GLG1: variants seen among roughly 807,000 people sequenced by gnomAD.
GLG1 encodes golgi glycoprotein 1.
In GLG1, 38 loss-of-function variants were observed where a neutral mutation model predicts 160.5. That is an observed-to-expected ratio of 0.24 (90% CI 0.18 to 0.31). The LOEUF is 0.31. Ranked by LOEUF, GLG1 falls within the 10% of genes least tolerant of loss-of-function variation. GLG1 has a pLI of 1.00. For missense variants in GLG1, 1,373 were observed against 1,505.2 expected (o/e 0.91, Z 1.45); for synonymous variants, 644 against 543.4 (o/e 1.19, Z -2.57).
intron 1 of GLG1, chr16:74,563,140 C>A (rs879739061): frequency 2.0e-5 from 3 of 152,148 alleles, no homozygotes; most frequent in Admixed American, 1.3e-4. Context: ...CCTCTATGAA[C>A]AACAGAAAAG....
intron 1 of GLG1, among the ~76,000 whole-genome samples, chr16:74,545,851 C>A (rs1008307513): frequency 4.6e-5 from 7 of 152,172 alleles, no homozygotes; most frequent in Non-Finnish European, 2.9e-5. Context: ...ATTCTCTCAT[C>A]ACATCAAACT....
At chr16:74,573,258 G>C (rs1435123302) in intron 1 of GLG1, among the ~76,000 whole-genome samples, 1 of 152,154 alleles carries the variant, frequency 6.6e-6, no homozygotes, top group African/African-American at 2.4e-5. Flanking sequence ...AAGTTCTGAA[G>C]AATGTATTGT....
chr16:74,492,562 T>C (rs2016037854), intron 7 of GLG1, among the ~76,000 whole-genome samples: 2 of 150,922 alleles, frequency 1.3e-5, no homozygotes, highest in Non-Finnish European at 2.9e-5. Flanking sequence ...CTCACACCTA[T>C]AATCCAAGCA....
intron 1 of GLG1, among the ~76,000 whole-genome samples, chr16:74,606,103 G>T (rs1410459183): frequency 6.6e-6 from 1 of 152,144 alleles, no homozygotes; most frequent in African/African-American, 2.4e-5. Context: ...CAAGTCACTG[G>T]GAGTTAACAG....
intron 1 of GLG1, among the ~76,000 whole-genome samples, chr16:74,577,656 C>G (rs550221816): frequency 1.3e-5 from 2 of 152,054 alleles, no homozygotes; most frequent in Admixed American, 6.6e-5. Context: ...TTCTGTCACC[C>G]AGGATGGAGG....
At chr16:74,467,978 G>A (rs1001033360) in intron 17 of GLG1, 130 bp from the exon 18 acceptor site, 3 of 598,348 alleles carry the variant, frequency 5.0e-6, no homozygotes, top group East Asian at 2.8e-5. Context: ...TCGCCTTGCA[G>A]CAAGAGAATC....
chr16:74,550,954 C>G (rs2018182499), intron 1 of GLG1, among the ~76,000 whole-genome samples: 1 of 152,162 alleles, frequency 6.6e-6, no homozygotes, highest in South Asian at 2.1e-4. Flanking sequence ...TCCAGCCTAT[C>G]AAATAAGCTG....
intron 3 of GLG1, among the ~76,000 whole-genome samples, chr16:74,508,137 C>G (rs2016679949): frequency 6.6e-6 from 1 of 152,016 alleles, no homozygotes; most frequent in Non-Finnish European, 1.5e-5. Flanking sequence ...TCCTTAAGAG[C>G]TCTGAAGAAT....
At chr16:74,605,384 G>C (rs980638907) in intron 1 of GLG1, among the ~76,000 whole-genome samples, 1 of 152,108 alleles carries the variant, frequency 6.6e-6, no homozygotes, top group Non-Finnish European at 1.5e-5. Flanking sequence ...TAATTGTTTG[G>C]TCACCAGTAT....
intron 19 of GLG1, among the ~76,000 whole-genome samples, chr16:74,464,801 T>C (rs2014939024): frequency 6.6e-6 from 1 of 152,186 alleles, no homozygotes; most frequent in Non-Finnish European, 1.5e-5. Context: ...AAAGGAAAGC[T>C]GAAATAAAGG....
intron 1 of GLG1, among the ~76,000 whole-genome samples, chr16:74,606,100 C>G (rs1356327999): frequency 2.6e-5 from 4 of 152,162 alleles, no homozygotes; most frequent in African/African-American, 9.7e-5. Context: ...CGCCAAGTCA[C>G]TGGGAGTTAA....
At chr16:74,524,558 T>C (rs2017277987) in intron 2 of GLG1, among the ~76,000 whole-genome samples, 1 of 152,138 alleles carries the variant, frequency 6.6e-6, no homozygotes, top group Non-Finnish European at 1.5e-5. Context: ...TTAAAGTCCT[T>C]ATCCTTTAGA....
intron 4 of GLG1, among the ~76,000 whole-genome samples, chr16:74,497,343 G>T (rs546606066): frequency 2.5e-3 from 383 of 150,314 alleles, no homozygotes; most frequent in African/African-American, 8.6e-3. Flanking sequence ...CAAAGTTCTG[G>T]TCATAGTTCA....
chr16:74,548,269 G>A (rs2018104239), intron 1 of GLG1, among the ~76,000 whole-genome samples: 1 of 152,176 alleles, frequency 6.6e-6, no homozygotes, highest in African/African-American at 2.4e-5. Context: ...TCACAAAGCA[G>A]GCAACGGCAT....
At chr16:74,585,286 G>C (rs1274003251) in intron 1 of GLG1, among the ~76,000 whole-genome samples, 2 of 152,112 alleles carry the variant, frequency 1.3e-5, no homozygotes, top group Non-Finnish European at 2.9e-5. Context: ...GCACACACCT[G>C]TAGTCCCAGC....
At chr16:74,579,859 T>C (rs185604896) in intron 1 of GLG1, among the ~76,000 whole-genome samples, 6 of 151,142 alleles carry the variant, frequency 4.0e-5, no homozygotes, top group Admixed American at 6.6e-5. Flanking sequence ...GGTCAAGAGA[T>C]AGAGACCATC....
chr16:74,484,727 C>CT (rs141130824), intron 9 of GLG1, among the ~76,000 whole-genome samples: 4,458 of 152,216 alleles, frequency 0.029, 143 homozygotes, highest in African/African-American at 0.081. Flanking sequence ...GATTGCGCCA[C>CT]TGTACTCCAG....
chr16:74,503,861 G>A, intron 3 of GLG1, 115 bp from the exon 4 acceptor site: 5 of 690,344 alleles, frequency 7.2e-6, no homozygotes, highest in South Asian at 1.9e-5. Flanking sequence ...TCTTTACTTG[G>A]AAGAAAAAAA....
In GLG1 at chr16:74,452,115, C is replaced by G; in HGVS notation, c.*1052G>C. On this transcript the variant is annotated 3_prime_UTR_variant, in exon 26 of 26. Transcript: ENST00000422840. The stretch of plus-strand genomic sequence containing the variant: ...ACTAAACCTTTATAAGCCATTGTCT[C>G]TGACCTGTATTGTAGCCTGAAAAAT... 1 of 1,614,070 alleles carries G rather than the reference C, an allele frequency of 6.2e-7. No homozygotes were observed. Among genetic ancestry groups the G allele is most frequent in the Non-Finnish European group, 8.5e-7 (1 of 1,179,936 alleles).
Sources: gnomAD v4.1 joint callset for allele counts (sites outside exome capture counted in the v4.1 genomes callset) on GRCh38, gnomAD v4.1.1 for gene constraint, MANE v1.5 for transcripts, NCBI Gene and HGNC (gene_info 2026-07-23, HGNC 2026-07-21) for gene names.